The following C14orf93 variants were observed in gnomAD, a reference collection of about 807,000 sequenced individuals.
The protein encoded by C14orf93 is uncharacterized protein C14orf93.
Under a neutral mutation model 44.0 loss-of-function variants are expected in C14orf93, and 23 were observed. The observed-to-expected ratio is 0.52, with a 90% confidence interval of 0.38 to 0.74. The LOEUF (loss-of-function observed/expected upper bound fraction) is 0.74. Among genes scored for constraint, C14orf93 ranks in the 30% least tolerant of loss-of-function variants. The pLI, the probability that C14orf93 is intolerant of heterozygous loss-of-function variation, is 0.00. For synonymous variants in C14orf93, 253 were observed against 265.7 expected (o/e 0.95, Z 0.46); for missense variants, 579 against 678.9 (o/e 0.85, Z 1.64).
At position 22,987,375 on chromosome 14, in the gene C14orf93, T is replaced by C; in HGVS notation, c.1457A>G (p.Gln486Arg). 6.2e-7 allele frequency: 1 copy of C among 1,614,248 alleles called. No homozygotes were observed. The highest frequency in any genetic ancestry group is 2.2e-5 in the East Asian group (1 of 44,890). Residue 486 changes from glutamine (Q) to arginine (R), a missense_variant, in exon 7 of 7, where the codon CAG becomes CGG. Transcript: ENST00000299088. This position sits in a 1 kb window ranked among gnomAD's most constrained non-coding sequence, Gnocchi z 5.6. ...PSDRLPSAEA[Q>R]LLPPELYNPN... is the part of the protein sequence containing the mutation. ...ATTGTAAAGTTCTGGTGGAAGGAGC[T>C]GGGCTTCAGCAGAAGGCAGTCTGTC...
chr14:22,997,879 TG>T (rs1267578619), intron 2 of C14orf93, among the ~76,000 whole-genome samples: 1 of 152,078 alleles, frequency 6.6e-6, no homozygotes, highest in Admixed American at 6.6e-5. Context: ...CTTTCTTCTG[TG>T]CTCCCTTTTT....
chr14:22,992,191 C>T (rs1391487802), intron 3 of C14orf93, among the ~76,000 whole-genome samples: 4 of 152,182 alleles, frequency 2.6e-5, no homozygotes, highest in South Asian at 2.1e-4. Flanking sequence ...GCCGGCTGGG[C>T]GTGGTGGCTC....
intron 1 of C14orf93, among the ~76,000 whole-genome samples, chr14:23,009,033 A>C (rs2046765876): frequency 6.6e-6 from 1 of 152,224 alleles, no homozygotes; most frequent in Admixed American, 6.5e-5. Context: ...CCACACATAA[A>C]GGCCAAAATA....
Position 22,998,969 on chromosome 14 carries a change from A to G in C14orf93, c.55T>C (p.Cys19Arg). 1 of 1,613,636 alleles carries G rather than the reference A, an allele frequency of 6.2e-7. No individual in the cohort carries two copies. The highest frequency in any genetic ancestry group is 1.1e-5 in the South Asian group (1 of 91,058). The change falls in exon 2 of 7, where the codon TGC becomes CGC. Residue 19 changes from cysteine (C) to arginine (R), a missense_variant. Physicochemically the swap from Cys to Arg is radical, Grantham distance 180. Transcript: ENST00000299088. ...FSPPSGSEARCCCCACKSETN... is the reference protein window; with the variant it reads ...FSPPSGSEARRCCCACKSETN... ...TCACTCTTACAGGCGCAGCAGCAGCATCTGGCCTCGCTGCCACTGGGAGGG... is the reference window on the plus strand; with the variant it reads ...TCACTCTTACAGGCGCAGCAGCAGCGTCTGGCCTCGCTGCCACTGGGAGGG...
intron 1 of C14orf93, among the ~76,000 whole-genome samples, chr14:23,004,364 C>CCA (rs1220612994): frequency 6.6e-6 from 1 of 151,168 alleles, no homozygotes; most frequent in Admixed American, 6.6e-5. Flanking sequence ...GTATGCACCA[C>CCA]CACACCTGAC....
intron 1 of C14orf93, chr14:23,007,165 C>T (rs2046665648): frequency 6.6e-6 from 1 of 152,268 alleles, no homozygotes; most frequent in Non-Finnish European, 1.5e-5. Context: ...CGCGCGCACG[C>T]GGGGAGACAC....
chr14:22,992,685 G>C (rs2045726938), intron 3 of C14orf93, among the ~76,000 whole-genome samples: 1 of 151,212 alleles, frequency 6.6e-6, no homozygotes, highest in Admixed American at 6.6e-5. Context: ...CCTGGTTCAA[G>C]CAATTCTCCT....
At chr14:23,003,894 ATATATTTTTTTTTTTT>A (rs2046473335) in intron 1 of C14orf93, among the ~76,000 whole-genome samples, 3 of 12,128 alleles carry the variant, frequency 2.5e-4, no homozygotes, top group Non-Finnish European at 3.6e-4. Flanking sequence ...ATATATATAT[ATATATTTTTTTTTTTT>A]TTTTTTTTTT....
intron 1 of C14orf93, chr14:23,007,113 G>A (rs1023884056): frequency 6.6e-5 from 10 of 152,234 alleles, no homozygotes; most frequent in African/African-American, 2.2e-4. Context: ...GGGCGCGCGG[G>A]AGACAGAACT....
intron 3 of C14orf93, 87 bp from the exon 4 acceptor site, chr14:22,990,214 C>G: frequency 8.9e-7 from 1 of 1,128,582 alleles, no homozygotes; most frequent in African/African-American, 1.6e-5. Flanking sequence ...AAGGTATTGT[C>G]CCTAAGGGGC....
chr14:23,007,766 A>AT (rs2046702651), intron 1 of C14orf93, among the ~76,000 whole-genome samples: 1 of 152,182 alleles, frequency 6.6e-6, no homozygotes, highest in South Asian at 2.1e-4. Flanking sequence ...AGCTCTCCCT[A>AT]TTTTTTGAGA....
At chr14:23,003,935 A>T (rs1290375689) in intron 1 of C14orf93, among the ~76,000 whole-genome samples, 1 of 66,910 alleles carries the variant, frequency 1.5e-5, no homozygotes, top group Non-Finnish European at 2.6e-5. Flanking sequence ...TTTGAGACAG[A>T]GTCTCGCTCT....
chr14:22,989,638 C>A (rs1594597727), intron 5 of C14orf93, 104 bp downstream of exon 5: 4 of 818,946 alleles, frequency 4.9e-6, no homozygotes, highest in Non-Finnish European at 6.0e-6. Flanking sequence ...ATTTTCAAAA[C>A]CACCTAATCA....
At position 22,987,776 on chromosome 14, in the gene C14orf93, C is replaced by G. The variant is rs545219135; in HGVS notation, c.1197+127G>C. The G allele has an allele frequency of 1.8e-4, 217 of 1,207,782 alleles. 3 individuals carry two copies. In the East Asian group the frequency reaches 5.0e-3, roughly 28 times the overall value. 74.8% of individuals were successfully genotyped at this position (1,207,782 alleles called of 1,614,324 possible). ...CAAGTCAGATCTTAGCATTGGCTCACTGTTCTTCTCTATCTTCCTACATTC... is the reference window on the plus strand; with the variant it reads ...CAAGTCAGATCTTAGCATTGGCTCAGTGTTCTTCTCTATCTTCCTACATTC... On this transcript the variant is annotated intron_variant, in intron 6 of 6. Coordinates refer to ENST00000299088, the MANE Select transcript of C14orf93 (RefSeq NM_021944.4). The surrounding 1 kb of genome is among the most constrained non-coding windows in gnomAD (Gnocchi z 5.6).
At chr14:23,002,115 C>T (rs1436765721) in intron 1 of C14orf93, among the ~76,000 whole-genome samples, 1 of 146,462 alleles carries the variant, frequency 6.8e-6, no homozygotes, top group East Asian at 2.0e-4. Context: ...CACCACTGCA[C>T]TCCAGCCTGG....
rs1299173468 is a variant in C14orf93, at chr14:22,999,265, C to G, written c.-242G>C. ...CTTCTATTTGCAGATCCTGTGCTCT[C>G]CTAGCACATCACAAATCAAGGCCTT... On this transcript the variant is annotated 5_prime_UTR_variant, in exon 2 of 7. Transcript: ENST00000299088. 3 of 469,122 alleles carry G rather than the reference C, an allele frequency of 6.4e-6. No homozygotes were observed. In the East Asian group the frequency reaches 1.1e-4, roughly 17 times the overall value. 29.1% of individuals were successfully genotyped at this position (469,122 alleles called of 1,614,324 possible). A position where few individuals can be genotyped will look rare whatever the true frequency, so the allele number is the denominator to read the frequency against.
intron 2 of C14orf93, 21 bp downstream of exon 2, chr14:22,998,406 G>C: frequency 6.7e-7 from 1 of 1,502,924 alleles, no homozygotes. Flanking sequence ...AGGAGGAATA[G>C]CCCTCTGCTG....
chr14:23,009,067 G>C (rs538772095), intron 1 of C14orf93, among the ~76,000 whole-genome samples: 3 of 152,140 alleles, frequency 2.0e-5, no homozygotes, highest in Non-Finnish European at 4.4e-5. Flanking sequence ...ACTTAAGAAC[G>C]TGAGACAATA....
At chr14:22,988,130 A>C in intron 5 of C14orf93, 115 bp from the exon 6 acceptor site, 1 of 484,486 alleles carries the variant, frequency 2.1e-6, no homozygotes, top group Non-Finnish European at 3.6e-6. Flanking sequence ...TACTTAGATG[A>C]GGGCTTTTTT....
Sources: allele counts gnomAD v4.1 joint callset (sites outside exome capture counted in the v4.1 genomes callset), GRCh38; gene constraint gnomAD v4.1.1; non-coding constraint Gnocchi (gnomAD v3.1); transcripts MANE v1.5; gene names NCBI Gene and HGNC (gene_info 2026-07-23, HGNC 2026-07-21).